USP6NL: variants seen among roughly 807,000 people sequenced by gnomAD.
The protein encoded by USP6NL is USP6 N-terminal-like protein.
In USP6NL, 26 loss-of-function variants were observed where a neutral mutation model predicts 61.9. That is an observed-to-expected ratio of 0.42 (90% CI 0.31 to 0.58). The LOEUF is 0.58. USP6NL is among the 20% of genes least tolerant of loss of function. The probability of loss-of-function intolerance (pLI) is 0.16; values close to 1 mark genes in which losing one functional copy is unlikely to be tolerated. For missense variants in USP6NL, 1,114 were observed against 1,034.3 expected (o/e 1.08, Z -1.06); for synonymous variants, 432 against 390.1 (o/e 1.11, Z -1.27).
chr10:11,485,817 C>A lies in USP6NL; in HGVS notation c.759G>T (p.Leu253Phe). Residue 253 changes from leucine to phenylalanine, a missense_variant and splice_region_variant, in exon 11 of 15, where the codon TTG becomes TTT. By Grantham distance (22) the Leu-to-Phe change is conservative. Coordinates refer to ENST00000609104, the MANE Select transcript of USP6NL (RefSeq NM_014688.5). The surrounding 1 kb of genome is among the most constrained non-coding windows in gnomAD (Gnocchi z 4.8). ...GTAAGTCAGTGGCACATCTACCTAC[C>A]AAGTGTTGCTTAAGCTTGGACAGAA... Reference protein sequence around the residue: ...NKFLSKLKQHLDSQEIYTSFY... With the variant: ...NKFLSKLKQHFDSQEIYTSFY... 1 of 1,548,018 alleles carries A rather than the reference C, an allele frequency of 6.5e-7. No individual in the cohort carries two copies. Among genetic ancestry groups the A allele is most frequent in the Non-Finnish European group, 8.7e-7 (1 of 1,146,166 alleles).
chr10:11,578,881 G>A (rs1459480608), intron 2 of USP6NL, among the ~76,000 whole-genome samples: 1 of 152,210 alleles, frequency 6.6e-6, no homozygotes. Flanking sequence ...ATGCAGTGAT[G>A]TGCCACATCT....
intron 8 of USP6NL, among the ~76,000 whole-genome samples, 158 bp downstream of exon 8, chr10:11,492,961 A>G (rs1178280096): frequency 6.6e-6 from 1 of 152,238 alleles, no homozygotes; most frequent in East Asian, 1.9e-4. Context: ...GTTAAATTAG[A>G]TCTTAAGTTT....
Position 11,478,508 on chromosome 10 carries a change from A to AT in USP6NL, c.1078+3261dup, listed in dbSNP as rs1368335452. The stretch of plus-strand genomic sequence containing the variant: ...AATCCTTAATGTCAGTGCAATCTCA[A>AT]TATTAATAAAATACTGTATCTGAAT... On this transcript the variant is annotated intron_variant, in intron 14 of 14. Coordinates refer to ENST00000609104, the MANE Select transcript of USP6NL (RefSeq NM_014688.5). The surrounding 1 kb of genome is among the most constrained non-coding windows in gnomAD (Gnocchi z 6.8). 2.6e-5 allele frequency among the ~76,000 whole-genome samples: 4 copies of AT among 152,208 alleles called. No individual in the cohort carries two copies. Among genetic ancestry groups the AT allele is most frequent in the Non-Finnish European group, 4.4e-5 (3 of 68,048 alleles).
In USP6NL at chr10:11,510,259, C is replaced by T. The variant is rs1834645866; in HGVS notation, c.196-584G>A. On this transcript the variant is annotated intron_variant, in intron 5 of 14. Coordinates refer to ENST00000609104, the MANE Select transcript of USP6NL (RefSeq NM_014688.5). The surrounding 1 kb of genome is among the most constrained non-coding windows in gnomAD (Gnocchi z 4.8). ...CACTGCGTTGTGGCAGGCACTGGCA[C>T]AGGCAGGAAGGGCCACGGCAGAAGG... Among the ~76,000 whole-genome samples, 1 of 152,150 alleles carries T rather than the reference C, an allele frequency of 6.6e-6. No homozygotes were observed. The highest frequency in any genetic ancestry group is 1.5e-5 in the Non-Finnish European group (1 of 68,040).
intron 1 of USP6NL, among the ~76,000 whole-genome samples, chr10:11,607,694 GA>G (rs1328426285): frequency 1.3e-5 from 2 of 151,688 alleles, no homozygotes; most frequent in Non-Finnish European, 2.9e-5. Context: ...ACAGGAAAAG[GA>G]AAAAATAATA....
rs762920555 is a variant in USP6NL at position 11,525,354 on chromosome 10, TA to T, written c.155+31del. 1 of 1,550,562 alleles carries T rather than the reference TA, an allele frequency of 6.4e-7. No homozygotes were observed. Among genetic ancestry groups the T allele is most frequent in the Non-Finnish European group, 8.7e-7 (1 of 1,147,488 alleles). On this transcript the variant is annotated intron_variant, in intron 4 of 14. Coordinates refer to ENST00000609104, the MANE Select transcript of USP6NL (RefSeq NM_014688.5). This position sits in a 1 kb window ranked among gnomAD's most constrained non-coding sequence, Gnocchi z 5.0. ...AGGTGACCACAGAAACGTTATAATC[TA>T]AAAAGCAAGCTTTCAATCTATGTGA...
At chr10:11,550,923 A>G (rs1483098312) in intron 2 of USP6NL, among the ~76,000 whole-genome samples, 1 of 152,158 alleles carries the variant, frequency 6.6e-6, no homozygotes, top group African/African-American at 2.4e-5. Context: ...TTAAAATCAC[A>G]CTGAGATACC....
intron 2 of USP6NL, among the ~76,000 whole-genome samples, chr10:11,541,133 C>T (rs931542656): frequency 4.7e-5 from 7 of 149,900 alleles, no homozygotes; most frequent in Non-Finnish European, 1.0e-4. Flanking sequence ...ATATTATATT[C>T]CTTAAACTCT....
chr10:11,467,825 T>A (rs1020178959), intron 14 of USP6NL, among the ~76,000 whole-genome samples: 1 of 152,248 alleles, frequency 6.6e-6, no homozygotes. Context: ...ATATTTTTTC[T>A]GCTGTAAACA....
chr10:11,581,811 C>CG (rs1837782369), intron 2 of USP6NL, among the ~76,000 whole-genome samples: 1 of 152,174 alleles, frequency 6.6e-6, no homozygotes, highest in Non-Finnish European at 1.5e-5. Flanking sequence ...CTCATTCTGT[C>CG]GCCCAGGCTG....
At chr10:11,559,624 CAA>C (rs1169824790) in intron 2 of USP6NL, among the ~76,000 whole-genome samples, 3 of 152,068 alleles carry the variant, frequency 2.0e-5, no homozygotes, top group Non-Finnish European at 2.9e-5. Context: ...AATGGAAAAA[CAA>C]TGCACTAAGC....
rs55905608 is a variant in USP6NL, at chr10:11,465,648, C to T, written c.1079-1799G>A. Among the ~76,000 whole-genome samples, 15,171 of 152,252 alleles carry T rather than the reference C, an allele frequency of 0.1. 1,211 individuals are homozygous for T. Among genetic ancestry groups the T allele is most frequent in the East Asian group, 0.43 (2,217 of 5,182 alleles). On this transcript the variant is annotated intron_variant, in intron 14 of 14. Transcript: ENST00000609104. This position sits in a 1 kb window ranked among gnomAD's most constrained non-coding sequence, Gnocchi z 4.5. ...GTGCCTGTACGTGCTCTCCCCACAC[C>T]GTGCTGGCAGCGGAAGCACCCAAGC... is the stretch of plus-strand genomic sequence containing the variant.
chr10:11,577,698 T>C (rs920835725), intron 2 of USP6NL, among the ~76,000 whole-genome samples: 6 of 151,744 alleles, frequency 4.0e-5, no homozygotes, highest in Non-Finnish European at 5.9e-5. Context: ...GGTTTCACCA[T>C]GTTGGTTGGC....
At position 11,474,912 on chromosome 10, in the gene USP6NL, T is replaced by C. The variant is rs1184738024; in HGVS notation, c.1078+6858A>G. ...GACAGAAAAGTGCTATACCTTACAC[T>C]AAGGAGTGTGGATGTTCTCCCGTAA... is the stretch of plus-strand genomic sequence containing the variant. On this transcript the variant is annotated intron_variant, in intron 14 of 14. Coordinates refer to ENST00000609104, the MANE Select transcript of USP6NL (RefSeq NM_014688.5). This position sits in a 1 kb window ranked among gnomAD's most constrained non-coding sequence, Gnocchi z 4.9. Among the ~76,000 whole-genome samples, 1 of 152,144 alleles carries C rather than the reference T, an allele frequency of 6.6e-6. No homozygotes were observed. The highest frequency in any genetic ancestry group is 1.5e-5 in the Non-Finnish European group (1 of 68,018).
chr10:11,541,773 C>G (rs1286493025), intron 2 of USP6NL, among the ~76,000 whole-genome samples: 2 of 152,126 alleles, frequency 1.3e-5, no homozygotes, highest in Non-Finnish European at 2.9e-5. Flanking sequence ...AATAAATCAT[C>G]TACCTACTGT....
chr10:11,520,742 C>T lies in USP6NL; in HGVS notation c.156-2168G>A, dbSNP rs1465601102. On this transcript the variant is annotated intron_variant, in intron 4 of 14. Transcript: ENST00000609104. The surrounding 1 kb of genome is among the most constrained non-coding windows in gnomAD (Gnocchi z 5.2). Reference sequence around the variant, plus strand: ...TTGTAACGTTTTAATGGAACGCTGTCACACTCTGCCATGAATGTATTGTCT... The same window carrying T: ...TTGTAACGTTTTAATGGAACGCTGTTACACTCTGCCATGAATGTATTGTCT... 6.6e-6 allele frequency among the ~76,000 whole-genome samples: 1 copy of T among 152,250 alleles called. No homozygotes were observed. Among genetic ancestry groups the T allele is most frequent in the Non-Finnish European group, 1.5e-5 (1 of 68,040 alleles).
chr10:11,610,918 G>T (rs932740851), intron 1 of USP6NL, among the ~76,000 whole-genome samples: 1 of 152,052 alleles, frequency 6.6e-6, no homozygotes, highest in Non-Finnish European at 1.5e-5. Flanking sequence ...CTAGGGTTGT[G>T]AGCGCCAAAC....
chr10:11,567,507 T>C (rs1180900342), intron 2 of USP6NL, among the ~76,000 whole-genome samples: 1 of 152,222 alleles, frequency 6.6e-6, no homozygotes. Flanking sequence ...ACTTCAAATA[T>C]GACATAGCTG....
At position 11,562,043 on chromosome 10, in the gene USP6NL, G is replaced by C. The variant is rs1251072182; in HGVS notation, c.5-34476C>G. ...TGCCTGTAATCCCAGCACTTTGTGAGGCCAAGGCAGGCAGATCACGAGGTC... is the reference window on the plus strand; with the variant it reads ...TGCCTGTAATCCCAGCACTTTGTGACGCCAAGGCAGGCAGATCACGAGGTC... On this transcript the variant is annotated intron_variant, in intron 2 of 14. Coordinates refer to ENST00000609104, the MANE Select transcript of USP6NL (RefSeq NM_014688.5). The surrounding 1 kb of genome is among the most constrained non-coding windows in gnomAD (Gnocchi z 4.8). 6.6e-6 allele frequency among the ~76,000 whole-genome samples: 1 copy of C among 152,188 alleles called. No homozygotes were observed. Among genetic ancestry groups the C allele is most frequent in the Non-Finnish European group, 1.5e-5 (1 of 68,028 alleles).
Sources: gnomAD v4.1 joint callset for allele counts (sites outside exome capture counted in the v4.1 genomes callset) on GRCh38, gnomAD v4.1.1 for gene constraint, Gnocchi (gnomAD v3.1) non-coding constraint, MANE v1.5 for transcripts, NCBI Gene and HGNC (gene_info 2026-07-23, HGNC 2026-07-21) for gene names.